The following RGS7 variants were observed in gnomAD, a reference collection of about 807,000 sequenced individuals.
RGS7 encodes the protein regulator of G-protein signaling 7.
A neutral mutation model predicts 81.1 loss-of-function variants in RGS7; 27 were observed. The observed-to-expected ratio is 0.33, with a 90% confidence interval of 0.25 to 0.46. The LOEUF is 0.46. Ranked by LOEUF, RGS7 falls within the 20% of genes least tolerant of loss-of-function variation. The probability of loss-of-function intolerance (pLI) is 1.00; values close to 1 mark genes in which losing one functional copy is unlikely to be tolerated. For missense variants in RGS7, 396 were observed against 607.4 expected, an observed-to-expected ratio of 0.65 and a Z score of 3.66; for synonymous variants, 208 against 207.7, an observed-to-expected ratio of 1.00 and a Z score of -0.01.
At chr1:241,327,130 GAAAGAAAGAAAGAA>G in intron 2 of RGS7, among the ~76,000 whole-genome samples, 1 of 101,942 alleles carries the variant, frequency 9.8e-6, no homozygotes, top group African/African-American at 3.3e-5. Context: ...AAGAAAGAAA[GAAAGAAAGAAAGAA>G]AGGAAAGAAA....
At chr1:240,938,467 T>C (rs141845994) in intron 4 of RGS7, among the ~76,000 whole-genome samples, 39 of 152,294 alleles carry the variant, frequency 2.6e-4, no homozygotes, top group African/African-American at 9.1e-4. Context: ...AGTAACTAAG[T>C]AGCTAGCTAT....
chr1:241,154,610 G>A (rs1254283860), intron 2 of RGS7, among the ~76,000 whole-genome samples: 1 of 152,224 alleles, frequency 6.6e-6, no homozygotes, highest in African/African-American at 2.4e-5. Context: ...CGAATGTCGG[G>A]AAAACTGGCC....
chr1:240,905,785 A>C (rs1454146407), intron 6 of RGS7, among the ~76,000 whole-genome samples: 3 of 151,788 alleles, frequency 2.0e-5, no homozygotes, highest in Non-Finnish European at 2.9e-5. Flanking sequence ...TTGTTTTTGG[A>C]CTCTACCTGT....
At chr1:240,780,443 A>G (rs979571678) in intron 18 of RGS7, among the ~76,000 whole-genome samples, 1 of 125,182 alleles carries the variant, frequency 8.0e-6, no homozygotes, top group Non-Finnish European at 1.8e-5. Flanking sequence ...CTGTCTCAAA[A>G]AAAAAAAAAA....
intron 9 of RGS7, among the ~76,000 whole-genome samples, chr1:240,840,399 G>A (rs763640461): frequency 1.8e-4 from 27 of 151,856 alleles, no homozygotes; most frequent in African/African-American, 6.3e-4. Flanking sequence ...TCAGCCTCCC[G>A]AGTAGCTGGG....
At chr1:241,085,850 G>C (rs1312197344) in intron 3 of RGS7, among the ~76,000 whole-genome samples, 1 of 152,172 alleles carries the variant, frequency 6.6e-6, no homozygotes, top group African/African-American at 2.4e-5. Flanking sequence ...TAAAACCACT[G>C]GAGTCCTATC....
intron 2 of RGS7, among the ~76,000 whole-genome samples, chr1:241,148,073 A>G: frequency 9.1e-6 from 1 of 109,490 alleles, no homozygotes. Flanking sequence ...TTTTTTTGAG[A>G]CGGAGTCTCA....
intron 3 of RGS7, among the ~76,000 whole-genome samples, chr1:241,003,835 G>A (rs1422193917): frequency 6.6e-5 from 10 of 152,038 alleles, no homozygotes; most frequent in South Asian, 6.2e-4. Flanking sequence ...TGCAACCTCC[G>A]CCTCCTGGGT....
intron 2 of RGS7, among the ~76,000 whole-genome samples, chr1:241,230,053 A>G (rs969382460): frequency 2.9e-5 from 4 of 135,640 alleles, no homozygotes; most frequent in African/African-American, 1.1e-4. Flanking sequence ...GACTTCCATC[A>G]ATTTATATTT....
intron 3 of RGS7, among the ~76,000 whole-genome samples, chr1:241,047,283 A>C (rs2060984878): frequency 6.6e-6 from 1 of 152,170 alleles, no homozygotes; most frequent in Non-Finnish European, 1.5e-5. Flanking sequence ...TTAGCTTCAT[A>C]GTTTCCCCAC....
intron 5 of RGS7, among the ~76,000 whole-genome samples, chr1:240,933,335 T>C (rs914996387): frequency 1.3e-5 from 2 of 152,062 alleles, no homozygotes; most frequent in African/African-American, 2.4e-5. Context: ...ACAAGACATA[T>C]ACTTTTTTCC....
At chr1:241,031,036 G>T (rs2148728493) in intron 3 of RGS7, among the ~76,000 whole-genome samples, 1 of 152,278 alleles carries the variant, frequency 6.6e-6, no homozygotes, top group East Asian at 1.9e-4. Context: ...TTGCATAGTG[G>T]TGAAGCCCCG....
chr1:241,258,610 T>C (rs1353736620), intron 2 of RGS7, among the ~76,000 whole-genome samples: 1 of 152,208 alleles, frequency 6.6e-6, no homozygotes, highest in African/African-American at 2.4e-5. Context: ...GTTCTTATTC[T>C]ATGCTTCTAT....
At chr1:241,075,152 G>A (rs2062717176) in intron 3 of RGS7, among the ~76,000 whole-genome samples, 1 of 152,082 alleles carries the variant, frequency 6.6e-6, no homozygotes, top group South Asian at 2.1e-4. Context: ...ACTTCAATGA[G>A]ATTTGTACAT....
chr1:241,182,155 TCACG>T (rs2071675379), intron 2 of RGS7, among the ~76,000 whole-genome samples: 4 of 152,164 alleles, frequency 2.6e-5, no homozygotes, highest in African/African-American at 9.7e-5. Context: ...CTAAGTCCAT[TCACG>T]TCCCTGAACT....
chr1:241,193,471 A>G (rs1438831757), intron 2 of RGS7, among the ~76,000 whole-genome samples: 1 of 152,220 alleles, frequency 6.6e-6, no homozygotes, highest in East Asian at 1.9e-4. Context: ...ATTTCCAACT[A>G]CTGTGTCTCA....
chr1:241,219,961 T>C (rs147719450), intron 2 of RGS7, among the ~76,000 whole-genome samples: 1 of 152,306 alleles, frequency 6.6e-6, no homozygotes, highest in African/African-American at 2.4e-5. Context: ...AGATCCTAAA[T>C]TGCTGTTTCT....
At chr1:240,887,033 A>G (rs1275231950) in intron 6 of RGS7, among the ~76,000 whole-genome samples, 1 of 152,118 alleles carries the variant, frequency 6.6e-6, no homozygotes, top group Non-Finnish European at 1.5e-5. Context: ...TGTCTATTCC[A>G]TAGGACTGAG....
intron 3 of RGS7, among the ~76,000 whole-genome samples, chr1:241,013,172 C>G (rs1412623134): frequency 6.7e-6 from 1 of 149,840 alleles, no homozygotes; most frequent in Non-Finnish European, 1.5e-5. Flanking sequence ...AAGCGATTCT[C>G]GTGCCTCAGC....
Sources: gnomAD v4.1 joint callset for allele counts (sites outside exome capture counted in the v4.1 genomes callset) on GRCh38, gnomAD v4.1.1 for gene constraint, MANE v1.5 for transcripts, NCBI Gene and HGNC (gene_info 2026-07-23, HGNC 2026-07-21) for gene names.